The following ADGRE3 variants were observed in gnomAD, a reference collection of about 807,000 sequenced individuals.
ADGRE3 encodes the protein adhesion G protein-coupled receptor E3.
A neutral mutation model predicts 80.1 loss-of-function variants in ADGRE3; 88 were observed. The observed-to-expected ratio is 1.10, with a 90% CI of 0.93 to 1.31. The LOEUF (loss-of-function observed/expected upper bound fraction) is 1.31. ADGRE3 is among the 40% of genes most tolerant of loss of function. ADGRE3 has a pLI of 0.00. For synonymous variants in ADGRE3, 281 were observed against 294.8 expected, an observed-to-expected ratio of 0.95 and a Z score of 0.48; for missense variants, 715 against 776.5, an observed-to-expected ratio of 0.92 and a Z score of 0.94.
intron 8 of ADGRE3, among the ~76,000 whole-genome samples, chr19:14,646,247 C>CA (rs1222787305): frequency 1.3e-5 from 2 of 152,132 alleles, no homozygotes; most frequent in Non-Finnish European, 2.9e-5. Flanking sequence ...CTCACCCTCC[C>CA]AAGTAGCTGG....
downstream of ADGRE3, among the ~76,000 whole-genome samples, chr19:14,614,853 G>T (rs932257213): frequency 1.3e-5 from 2 of 150,900 alleles, no homozygotes; most frequent in African/African-American, 2.4e-5. Flanking sequence ...CTGCGTGCTG[G>T]GATTATAGGT....
chr19:14,634,436 G>C (rs562961905), intron 11 of ADGRE3, among the ~76,000 whole-genome samples: 1 of 152,254 alleles, frequency 6.6e-6, no homozygotes, highest in South Asian at 2.1e-4. Context: ...ATTTAATATA[G>C]TTAGATTGAT....
intron 6 of ADGRE3, among the ~76,000 whole-genome samples, chr19:14,654,496 C>G (rs1289088878): frequency 6.6e-6 from 1 of 151,828 alleles, no homozygotes; most frequent in Non-Finnish European, 1.5e-5. Flanking sequence ...AGCTCCTGGG[C>G]TGAATTAACC....
chr19:14,631,254 A>G (rs1173844913), intron 13 of ADGRE3, among the ~76,000 whole-genome samples: 2 of 152,130 alleles, frequency 1.3e-5, no homozygotes, highest in African/African-American at 4.8e-5. Flanking sequence ...AGAAATGATA[A>G]ATGTTTGAGG....
At chr19:14,652,518 G>GC (rs1224017014) in intron 6 of ADGRE3, among the ~76,000 whole-genome samples, 2 of 151,798 alleles carry the variant, frequency 1.3e-5, no homozygotes, top group African/African-American at 4.8e-5. Flanking sequence ...AGTGGCTCAT[G>GC]CCTGAATTCC....
intron 8 of ADGRE3, 61 bp from the exon 9 acceptor site, chr19:14,644,336 T>C (rs1971341366): frequency 3.9e-6 from 5 of 1,289,400 alleles, no homozygotes; most frequent in Non-Finnish European, 5.2e-6. Flanking sequence ...TTTTTTTTTT[T>C]TGGAGACAAA....
chr19:14,652,789 AG>A (rs796631876), intron 6 of ADGRE3, among the ~76,000 whole-genome samples: 88 of 130,840 alleles, frequency 6.7e-4, no homozygotes, highest in African/African-American at 2.6e-3. Context: ...AAAAAAAAAA[AG>A]AAAAAAAAAA....
chr19:14,628,082 C>T (rs1057487658), intron 14 of ADGRE3, among the ~76,000 whole-genome samples: 1 of 151,878 alleles, frequency 6.6e-6, no homozygotes, highest in Admixed American at 6.6e-5. Context: ...GGGCTGAGGT[C>T]GTGCCATTGC....
chr19:14,646,369 C>T (rs1481636433), intron 8 of ADGRE3, among the ~76,000 whole-genome samples: 2 of 152,182 alleles, frequency 1.3e-5, no homozygotes, highest in Non-Finnish European at 2.9e-5. Flanking sequence ...CCACCTTGGC[C>T]TCCCAAAGTG....
chr19:14,640,898 G>A (rs900859751), intron 10 of ADGRE3, among the ~76,000 whole-genome samples: 21 of 152,070 alleles, frequency 1.4e-4, no homozygotes, highest in East Asian at 1.9e-4. Context: ...TTCGCCTCCC[G>A]CCATGATTCT....
intron 4 of ADGRE3, 60 bp downstream of exon 4, chr19:14,661,903 A>C (rs1037278821): frequency 2.5e-5 from 39 of 1,567,910 alleles, no homozygotes; most frequent in Non-Finnish European, 3.4e-5. Flanking sequence ...ACAAAACAAA[A>C]CAAACAAACA....
chr19:14,618,845 T>TAAAAAAA (rs2075098873), downstream of ADGRE3, among the ~76,000 whole-genome samples: 3 of 11,268 alleles, frequency 2.7e-4, no homozygotes, highest in Non-Finnish European at 6.0e-4. Context: ...AAACTCCATC[T>TAAAAAAA]CAAAAAAAAA....
chr19:14,612,516 G>A, the ADGRE3 span, among the ~76,000 whole-genome samples: 3 of 152,012 alleles, frequency 2.0e-5, no homozygotes, highest in African/African-American at 7.2e-5. Flanking sequence ...TGTATTTTTT[G>A]TAGCAACGGG....
In ADGRE3 at chr19:14,636,075, C is replaced by CCCTTTCTTTCTTTCTTTCTTTCTTT. The variant is rs1555755774; in HGVS notation, c.1484+2029_1484+2030insAAAGAAAGAAAGAAAGAAAGAAAGG. 7.4e-4 allele frequency among the ~76,000 whole-genome samples: 52 copies of CCCTTTCTTTCTTTCTTTCTTTCTTT among 70,660 alleles called. 1 individual carries two copies. Among genetic ancestry groups the CCCTTTCTTTCTTTCTTTCTTTCTTT allele is most frequent in the African/African-American group, 2.9e-3 (51 of 17,736 alleles). 46.4% of individuals were successfully genotyped at this position (70,660 alleles called of 152,430 possible). On this transcript the variant is annotated intron_variant, in intron 11 of 15. Coordinates refer to ENST00000253673, the MANE Select transcript of ADGRE3 (RefSeq NM_032571.5). ...TTCCTTCCTTCCTTTCCTTTCCTTTCCTTTCCCTTTCTTTCTTTCTTTCTT... is the reference window on the plus strand; with the variant it reads ...TTCCTTCCTTCCTTTCCTTTCCTTTCCCTTTCTTTCTTTCTTTCTTTCTTTCTTTCCCTTTCTTTCTTTCTTTCTT...
At chr19:14,602,083 C>T in the ADGRE3 span, among the ~76,000 whole-genome samples, 366 of 151,676 alleles carry the variant, frequency 2.4e-3, 3 homozygotes, top group African/African-American at 8.4e-3. Flanking sequence ...TGAGCCACCG[C>T]GCCTGGCCCA....
At chr19:14,618,846 C>CAAAAAAAAAAA (rs771965258), downstream of ADGRE3, among the ~76,000 whole-genome samples, 3 of 61,946 alleles carry the variant, frequency 4.8e-5, no homozygotes, top group Non-Finnish European at 5.5e-5. Context: ...AACTCCATCT[C>CAAAAAAAAAAA]AAAAAAAAAA....
downstream of ADGRE3, among the ~76,000 whole-genome samples, chr19:14,616,916 T>G (rs2075078101): frequency 6.6e-6 from 1 of 150,966 alleles, no homozygotes; most frequent in Non-Finnish European, 1.5e-5. Context: ...TGCCTCAGCC[T>G]CCTGAGTAGC....
intron 15 of ADGRE3, chr19:14,621,570 A>G: frequency 4.8e-6 from 3 of 621,386 alleles, no homozygotes; most frequent in Non-Finnish European, 7.6e-6. Flanking sequence ...AAAGCTACCT[A>G]ACTGTGACTA....
intron 2 of ADGRE3, among the ~76,000 whole-genome samples, chr19:14,665,978 A>ATATATATATATATATATATATATT (rs1568500899): frequency 7.8e-6 from 1 of 128,248 alleles, no homozygotes; most frequent in Non-Finnish European, 1.6e-5. Flanking sequence ...ATATATATAT[A>ATATATATATATATATATATATATT]GTGTTTTCTT....
Sources: allele counts gnomAD v4.1 joint callset (sites outside exome capture counted in the v4.1 genomes callset), GRCh38; gene constraint gnomAD v4.1.1; transcripts MANE v1.5; gene names NCBI Gene and HGNC (gene_info 2026-07-23, HGNC 2026-07-21).